Variants in PTPRD observed in about 807,000 individuals in gnomAD.
PTPRD encodes receptor-type tyrosine-protein phosphatase delta.
PTPRD carries 34 observed loss-of-function variants against 214.5 expected under a neutral mutation model. That is an observed-to-expected ratio of 0.16 (90% CI 0.12 to 0.21). The LOEUF (loss-of-function observed/expected upper bound fraction) is 0.21. Among genes scored for constraint, PTPRD ranks in the 10% least tolerant of loss-of-function variants. The pLI, the probability that PTPRD is intolerant of heterozygous loss-of-function variation, is 1.00. For synonymous variants in PTPRD, 1,128 were observed against 845.7 expected (o/e 1.33, Z -5.79); for missense variants, 2,545 against 2,398.7 (o/e 1.06, Z -1.27).
chr9:9,623,518 T>A (rs1040509688), intron 7 of PTPRD, among the ~76,000 whole-genome samples: 1 of 152,226 alleles, frequency 6.6e-6, no homozygotes, highest in Admixed American at 6.5e-5. Flanking sequence ...ACTGGATGAA[T>A]GAATGAGTAC....
At chr9:8,787,983 T>C (rs541899004) in intron 11 of PTPRD, among the ~76,000 whole-genome samples, 3 of 152,280 alleles carry the variant, frequency 2.0e-5, no homozygotes, top group African/African-American at 4.8e-5. Flanking sequence ...TTTGCTAACT[T>C]TGAGAAGTAA....
chr9:9,693,268 G>A (rs1242504718), intron 7 of PTPRD, among the ~76,000 whole-genome samples: 1 of 152,090 alleles, frequency 6.6e-6, no homozygotes, highest in Non-Finnish European at 1.5e-5. Flanking sequence ...TGTTTAGGGA[G>A]GAATCTGGTG....
intron 7 of PTPRD, among the ~76,000 whole-genome samples, chr9:9,732,006 TC>T (rs1182312241): frequency 1.3e-5 from 2 of 152,092 alleles, no homozygotes; most frequent in East Asian, 3.9e-4. Flanking sequence ...TGCTTTGTCA[TC>T]TTAAAAACAA....
intron 12 of PTPRD, among the ~76,000 whole-genome samples, chr9:8,710,867 C>T (rs139273851): frequency 2.1e-4 from 32 of 152,136 alleles, no homozygotes; most frequent in Non-Finnish European, 2.8e-4. Flanking sequence ...CTCCATCAAA[C>T]GAATAAAACT....
At chr9:10,597,764 G>A (rs1185471363) in intron 2 of PTPRD, among the ~76,000 whole-genome samples, 1 of 151,714 alleles carries the variant, frequency 6.6e-6, no homozygotes, top group Non-Finnish European at 1.5e-5. Flanking sequence ...AATTATTAAA[G>A]TATTTACTGT....
At chr9:10,015,532 T>C (rs949932359) in intron 4 of PTPRD, among the ~76,000 whole-genome samples, 2 of 152,148 alleles carry the variant, frequency 1.3e-5, no homozygotes, top group African/African-American at 4.8e-5. Flanking sequence ...AGTAGAAATA[T>C]AAAGGCAGTT....
intron 11 of PTPRD, among the ~76,000 whole-genome samples, chr9:8,907,791 A>T (rs1203939973): frequency 6.6e-6 from 1 of 152,058 alleles, no homozygotes; most frequent in Non-Finnish European, 1.5e-5. Context: ...AAGAGAAATG[A>T]GTATAGCTCC....
At chr9:9,904,544 T>C (rs2077112387) in intron 5 of PTPRD, among the ~76,000 whole-genome samples, 5 of 152,072 alleles carry the variant, frequency 3.3e-5, no homozygotes, top group African/African-American at 1.2e-4. Flanking sequence ...ACTGTATCAC[T>C]AAAAATGGCC....
chr9:8,954,750 A>T (rs149419229), intron 11 of PTPRD, among the ~76,000 whole-genome samples: 1 of 151,842 alleles, frequency 6.6e-6, no homozygotes, highest in East Asian at 1.9e-4. Context: ...TAGATACATG[A>T]TCATGGTTTT....
chr9:9,103,446 T>C (rs1385402483), intron 10 of PTPRD, among the ~76,000 whole-genome samples: 1 of 152,078 alleles, frequency 6.6e-6, no homozygotes, highest in Non-Finnish European at 1.5e-5. Context: ...TAAAACAAAA[T>C]GTGGAATAAA....
chr9:9,269,752 G>T (rs1205651315), intron 9 of PTPRD, among the ~76,000 whole-genome samples: 1 of 151,156 alleles, frequency 6.6e-6, no homozygotes, highest in South Asian at 2.1e-4. Context: ...AAATTAGCTG[G>T]ACATAGAAAG....
intron 9 of PTPRD, among the ~76,000 whole-genome samples, chr9:9,308,374 T>C (rs1957804554): frequency 6.6e-6 from 1 of 152,190 alleles, no homozygotes; most frequent in African/African-American, 2.4e-5. Flanking sequence ...AGAATATTGC[T>C]ACAACATGTT....
At chr9:9,186,171 T>G (rs978655263) in intron 9 of PTPRD, among the ~76,000 whole-genome samples, 2 of 152,106 alleles carry the variant, frequency 1.3e-5, no homozygotes, top group East Asian at 3.9e-4. Flanking sequence ...AGCAAGTAAT[T>G]TGGCTCAAGA....
intron 2 of PTPRD, among the ~76,000 whole-genome samples, chr9:10,509,557 T>TTTTATA (rs1555449948): frequency 9.4e-6 from 1 of 106,688 alleles, no homozygotes; most frequent in African/African-American, 4.0e-5. Flanking sequence ...TTAATAAATA[T>TTTTATA]TATATATATA....
intron 34 of PTPRD, among the ~76,000 whole-genome samples, chr9:8,436,896 C>T (rs879344883): frequency 1.3e-5 from 2 of 152,144 alleles, no homozygotes; most frequent in Admixed American, 1.3e-4. Context: ...AATGAAAAGT[C>T]ACCAAGCATA....
At position 8,373,291 on chromosome 9, in the gene PTPRD, T is replaced by C. The variant is rs181775209; in HGVS notation, c.4661+2645A>G. 2.3e-3 allele frequency among the ~76,000 whole-genome samples: 349 copies of C among 152,144 alleles called. 1 individual carries two copies. The highest frequency in any genetic ancestry group is 3.9e-3 in the Non-Finnish European group (266 of 67,948). ...TTCAAGATAACATGGATGTTGACGATGTTGACATGACCCTCCTAAATAAAG... is the reference window on the plus strand; with the variant it reads ...TTCAAGATAACATGGATGTTGACGACGTTGACATGACCCTCCTAAATAAAG... On this transcript the variant is annotated intron_variant, in intron 39 of 45. Transcript: ENST00000381196.
At position 10,048,472 on chromosome 9, in the gene PTPRD, T is replaced by C. The variant is rs117241623; in HGVS notation, c.-544-14682A>G. Among the ~76,000 whole-genome samples, 87 of 152,264 alleles carry C rather than the reference T, an allele frequency of 5.7e-4. 1 individual carries two copies. The East Asian group carries it at 0.015, about 26-fold the overall frequency. On this transcript the variant is annotated intron_variant, in intron 3 of 45. Coordinates refer to ENST00000381196, the MANE Select transcript of PTPRD (RefSeq NM_002839.4). Reference sequence around the variant, plus strand: ...TTCTGACCATTGCTATCTGGATTCATTCCAGCTGTCTACTTGTTTTTATAT... The same window carrying C: ...TTCTGACCATTGCTATCTGGATTCACTCCAGCTGTCTACTTGTTTTTATAT...
intron 10 of PTPRD, among the ~76,000 whole-genome samples, chr9:9,170,509 C>T (rs1275553453): frequency 6.6e-6 from 1 of 152,120 alleles, no homozygotes; most frequent in Non-Finnish European, 1.5e-5. Flanking sequence ...AGTGTTACTA[C>T]CTTGGTCAGT....
chr9:9,863,618 C>T (rs1174691774), intron 5 of PTPRD, among the ~76,000 whole-genome samples: 1 of 152,150 alleles, frequency 6.6e-6, no homozygotes, highest in African/African-American at 2.4e-5. Flanking sequence ...GCCCATTGAG[C>T]AAGGCATTCT....
Sources: gnomAD v4.1 joint callset for allele counts (sites outside exome capture counted in the v4.1 genomes callset) on GRCh38, gnomAD v4.1.1 for gene constraint, MANE v1.5 for transcripts, NCBI Gene and HGNC (gene_info 2026-07-23, HGNC 2026-07-21) for gene names.